The following CDH18 variants were observed in gnomAD, a reference collection of about 807,000 sequenced individuals.
CDH18 encodes cadherin-18.
In CDH18, 31 loss-of-function variants were observed where a neutral mutation model predicts 67.9. That is an observed-to-expected ratio of 0.46 (90% CI 0.34 to 0.62). CDH18 has a LOEUF of 0.62. Among genes scored for constraint, CDH18 ranks in the 20% least tolerant of loss-of-function variants. The pLI is 0.01. For synonymous variants in CDH18, 362 were observed against 347.2 expected, an observed-to-expected ratio of 1.04 and a Z score of -0.48; for missense variants, 890 against 975.5, an observed-to-expected ratio of 0.91 and a Z score of 1.17.
intron 4 of CDH18, among the ~76,000 whole-genome samples, chr5:19,722,809 C>T (rs1445558531): frequency 6.6e-6 from 1 of 151,956 alleles, no homozygotes; most frequent in African/African-American, 2.4e-5. Context: ...TTTTTACAAT[C>T]AATTGATCTT....
chr5:20,030,355 A>G (rs1245156871), intron 2 of CDH18, among the ~76,000 whole-genome samples: 1 of 152,210 alleles, frequency 6.6e-6, no homozygotes, highest in Non-Finnish European at 1.5e-5. Context: ...CACATGGACA[A>G]GAATGTTATG....
chr5:20,429,941 T>C (rs959079120), intron 1 of CDH18, among the ~76,000 whole-genome samples: 1 of 152,304 alleles, frequency 6.6e-6, no homozygotes, highest in East Asian at 1.9e-4. Context: ...CTTCTTATAG[T>C]GATATTTTTG....
At chr5:20,390,852 C>G (rs1432782121) in intron 1 of CDH18, among the ~76,000 whole-genome samples, 1 of 152,054 alleles carries the variant, frequency 6.6e-6, no homozygotes, top group Non-Finnish European at 1.5e-5. Flanking sequence ...ATGAACGAAG[C>G]TGGAAACCAT....
chr5:20,423,799 T>G (rs973443608), intron 1 of CDH18, among the ~76,000 whole-genome samples: 3 of 149,460 alleles, frequency 2.0e-5, no homozygotes, highest in African/African-American at 7.6e-5. Context: ...CAAAAAAAAT[T>G]AGCCGGGCGT....
At chr5:20,503,919 T>C (rs948920336) in intron 1 of CDH18, among the ~76,000 whole-genome samples, 1 of 151,860 alleles carries the variant, frequency 6.6e-6, no homozygotes, top group East Asian at 1.9e-4. Context: ...GCGCCTGTAG[T>C]CCCAGCTACT....
chr5:20,258,420 A>G (rs186731165), intron 1 of CDH18, among the ~76,000 whole-genome samples: 151 of 151,762 alleles, frequency 9.9e-4, no homozygotes, highest in African/African-American at 3.5e-3. Flanking sequence ...GGTTTTATTC[A>G]GCATTCCAAT....
At chr5:19,615,269 C>T (rs1038331154) in intron 5 of CDH18, among the ~76,000 whole-genome samples, 2 of 152,118 alleles carry the variant, frequency 1.3e-5, no homozygotes, top group Admixed American at 6.5e-5. Flanking sequence ...ATTGCCATAG[C>T]AACATGATTT....
At chr5:20,286,648 A>C (rs1178974345) in intron 1 of CDH18, among the ~76,000 whole-genome samples, 1 of 151,680 alleles carries the variant, frequency 6.6e-6, no homozygotes, top group Non-Finnish European at 1.5e-5. Flanking sequence ...ATGCTAACAA[A>C]ATGTTCTAGA....
At chr5:20,527,137 C>A (rs1292546957) in intron 1 of CDH18, among the ~76,000 whole-genome samples, 1 of 151,940 alleles carries the variant, frequency 6.6e-6, no homozygotes, top group Non-Finnish European at 1.5e-5. Context: ...ATAGCTGAAC[C>A]AAACAACTGG....
Position 20,030,716 on chromosome 5 carries a change from A to G in CDH18, c.-517-38702T>C, listed in dbSNP as rs377016037. Among the ~76,000 whole-genome samples, 43 of 152,312 alleles carry G rather than the reference A, an allele frequency of 2.8e-4. No individual in the cohort carries two copies. The East Asian group carries it at 4.4e-3, about 16-fold the overall frequency. Reference sequence around the variant, plus strand: ...AAAAAAGGGCTGAAGATAATTATTCACATCCCAATGAAGGTTGTATAATAT... The same window carrying G: ...AAAAAAGGGCTGAAGATAATTATTCGCATCCCAATGAAGGTTGTATAATAT... On this transcript the variant is annotated intron_variant, in intron 2 of 14. Transcript: ENST00000507958.
chr5:19,620,144 C>A (rs1321433495), intron 5 of CDH18, among the ~76,000 whole-genome samples: 3 of 152,102 alleles, frequency 2.0e-5, no homozygotes, highest in Non-Finnish European at 4.4e-5. Flanking sequence ...TAGGAAGATT[C>A]AATACTTCTC....
chr5:20,419,016 C>T (rs1246049451), intron 1 of CDH18, among the ~76,000 whole-genome samples: 7 of 151,906 alleles, frequency 4.6e-5, no homozygotes, highest in Non-Finnish European at 1.0e-4. Context: ...GCCGTGTCCC[C>T]ATCCAAATTT....
intron 2 of CDH18, among the ~76,000 whole-genome samples, chr5:20,026,027 A>G (rs867233334): frequency 6.6e-6 from 1 of 152,344 alleles, no homozygotes; most frequent in South Asian, 2.1e-4. Context: ...TATGTTAAAT[A>G]TTCTAAAACA....
intron 1 of CDH18, among the ~76,000 whole-genome samples, chr5:20,402,903 A>T (rs907160582): frequency 6.6e-6 from 1 of 151,820 alleles, no homozygotes; most frequent in African/African-American, 2.4e-5. Context: ...GCAAGCCTTC[A>T]TCTTGAAAAA....
rs559096620 is a variant in CDH18 at position 19,917,856 on chromosome 5, C to T, written c.-257+63204G>A. Among the ~76,000 whole-genome samples the T allele has an allele frequency of 7.9e-5, 12 of 152,212 alleles. No individual in the cohort carries two copies. In the South Asian group the frequency reaches 2.5e-3, roughly 32 times the overall value. On this transcript the variant is annotated intron_variant, in intron 2 of 12. Transcript: ENST00000382275. ...CAAAAATTCCATTTTTATTATTTAG[C>T]TCCTTGATGCAGCACAACAAATTTG...
At chr5:20,188,382 G>A (rs1738267458) in intron 2 of CDH18, among the ~76,000 whole-genome samples, 1 of 151,898 alleles carries the variant, frequency 6.6e-6, no homozygotes, top group Non-Finnish European at 1.5e-5. Flanking sequence ...AATTACTGAT[G>A]CAAATCAGTC....
At chr5:20,264,789 G>A (rs1744907012) in intron 1 of CDH18, among the ~76,000 whole-genome samples, 1 of 152,046 alleles carries the variant, frequency 6.6e-6, no homozygotes, top group Non-Finnish European at 1.5e-5. Flanking sequence ...GCTTTAGAGT[G>A]ACATAAAATT....
rs560039231 is a variant in CDH18, at chr5:20,046,365, A to G, written c.-517-54351T>C. Among the ~76,000 whole-genome samples the G allele has an allele frequency of 4.2e-4, 64 of 152,084 alleles. 1 individual carries two copies. The highest frequency in any genetic ancestry group is 1.4e-3 in the African/African-American group (57 of 41,554). The stretch of plus-strand genomic sequence containing the variant: ...AGAAGTCCATTGGGCATGGCTAGAA[A>G]AAAGCAATGTTTCATATGTATTAAT... On this transcript the variant is annotated intron_variant, in intron 2 of 14. Transcript: ENST00000507958.
chr5:20,006,598 A>T (rs1736921905), intron 2 of CDH18, among the ~76,000 whole-genome samples: 1 of 151,946 alleles, frequency 6.6e-6, no homozygotes, highest in Non-Finnish European at 1.5e-5. Context: ...CCGGTTTTCT[A>T]CTTCTCCCTG....
Sources: gnomAD v4.1 joint callset for allele counts (sites outside exome capture counted in the v4.1 genomes callset) on GRCh38, gnomAD v4.1.1 for gene constraint, MANE v1.5 for transcripts, NCBI Gene and HGNC (gene_info 2026-07-23, HGNC 2026-07-21) for gene names.